PPP1R1C: variants seen among roughly 807,000 people sequenced by gnomAD.
PPP1R1C encodes the protein protein phosphatase 1 regulatory inhibitor subunit 1C, also known as protein phosphatase 1 regulatory subunit 1C.
A neutral mutation model predicts 17.4 loss-of-function variants in PPP1R1C; 15 were observed. The ratio of observed to expected loss-of-function variants is 0.86; its 90% CI spans 0.58 to 1.33. The LOEUF (loss-of-function observed/expected upper bound fraction) is 1.33, where lower values mean the gene tolerates loss of function less well. PPP1R1C is among the 40% of genes most tolerant of loss of function. PPP1R1C has a pLI of 0.00. For missense variants in PPP1R1C, 143 were observed against 130.0 expected (o/e 1.10, Z -0.48); for synonymous variants, 35 against 43.1 (o/e 0.81, Z 0.73).
chr2:182,079,814 A>G (rs76846035), intron 4 of PPP1R1C, among the ~76,000 whole-genome samples: 3,653 of 152,198 alleles, frequency 0.024, 150 homozygotes, highest in African/African-American at 0.083. Context: ...GGTGTTCTTC[A>G]GCAAGTCCTC....
rs556353510 is a variant in PPP1R1C at position 182,033,505 on chromosome 2, T to C, written c.143-27937T>C. Among the ~76,000 whole-genome samples, 10 of 152,320 alleles carry C rather than the reference T, an allele frequency of 6.6e-5. No individual in the cohort carries two copies. In the South Asian group the frequency reaches 1.9e-3, roughly 28 times the overall value. On this transcript the variant is annotated intron_variant, in intron 2 of 4. Coordinates refer to ENST00000682840, the MANE Select transcript of PPP1R1C (RefSeq NM_001080545.3). ...AACTTTCCAAACTTGCTCCTTGTTA[T>C]GTATTCTTTAAAAACCAACTAATAA...
At chr2:181,978,965 T>C (rs767863004) in intron 2 of PPP1R1C, among the ~76,000 whole-genome samples, 3 of 152,182 alleles carry the variant, frequency 2.0e-5, no homozygotes, top group Non-Finnish European at 2.9e-5. Context: ...TTCTAATCCC[T>C]GGCTATTCAA....
At chr2:181,969,476 T>C (rs1176159576) in intron 1 of PPP1R1C, among the ~76,000 whole-genome samples, 4 of 152,174 alleles carry the variant, frequency 2.6e-5, no homozygotes, top group Non-Finnish European at 4.4e-5. Context: ...CTGCCAGATA[T>C]ATTGGAACTT....
chr2:182,025,205 T>G (rs948689004), intron 2 of PPP1R1C, among the ~76,000 whole-genome samples: 10 of 148,252 alleles, frequency 6.7e-5, no homozygotes, highest in Non-Finnish European at 1.5e-5. Context: ...TATTATTTAT[T>G]TATTTATTTA....
chr2:182,092,858 T>C (rs1688822061), intron 4 of PPP1R1C, among the ~76,000 whole-genome samples: 1 of 152,190 alleles, frequency 6.6e-6, no homozygotes, highest in African/African-American at 2.4e-5. Context: ...ACAGCCTCCC[T>C]TCTGGCCGCT....
At chr2:181,963,393 C>A (rs1559038953) in intron 1 of PPP1R1C, among the ~76,000 whole-genome samples, 1 of 152,192 alleles carries the variant, frequency 6.6e-6, no homozygotes, top group Non-Finnish European at 1.5e-5. Context: ...GTAATCCCAG[C>A]ACTTTGGGGG....
At chr2:182,093,292 C>T (rs1463477043) in intron 4 of PPP1R1C, among the ~76,000 whole-genome samples, 1 of 152,154 alleles carries the variant, frequency 6.6e-6, no homozygotes, top group Non-Finnish European at 1.5e-5. Flanking sequence ...GGACCCAGGG[C>T]ACCAAGTCCC....
chr2:182,059,015 T>C (rs1441622370), intron 2 of PPP1R1C, among the ~76,000 whole-genome samples: 1 of 152,134 alleles, frequency 6.6e-6, no homozygotes, highest in Non-Finnish European at 1.5e-5. Flanking sequence ...TGTTTGTAGT[T>C]CACGTGTGTA....
chr2:182,097,200 C>G (rs1301165175), intron 4 of PPP1R1C, among the ~76,000 whole-genome samples: 1 of 152,168 alleles, frequency 6.6e-6, no homozygotes, highest in African/African-American at 2.4e-5. Context: ...AAATATTGCT[C>G]TTCTGGAGGA....
intron 2 of PPP1R1C, among the ~76,000 whole-genome samples, chr2:182,021,260 A>G (rs1686414383): frequency 6.7e-6 from 1 of 149,000 alleles, no homozygotes; most frequent in African/African-American, 2.5e-5. Context: ...TCTTTGGGGT[A>G]TAAGAAGCTA....
At chr2:182,022,633 G>T (rs1686461012) in intron 2 of PPP1R1C, among the ~76,000 whole-genome samples, 1 of 152,284 alleles carries the variant, frequency 6.6e-6, no homozygotes, top group East Asian at 1.9e-4. Flanking sequence ...TTTCTATACA[G>T]ATTTCCAAAT....
chr2:182,012,415 T>C (rs1686112042), intron 2 of PPP1R1C, among the ~76,000 whole-genome samples: 1 of 152,074 alleles, frequency 6.6e-6, no homozygotes, highest in South Asian at 2.1e-4. Flanking sequence ...CTGATATAAG[T>C]ACAGCATATA....
chr2:181,958,712 C>T (rs1684710668), intron 1 of PPP1R1C, among the ~76,000 whole-genome samples: 1 of 152,178 alleles, frequency 6.6e-6, no homozygotes, highest in South Asian at 2.1e-4. Flanking sequence ...TGCTTTGTAG[C>T]CTTATGTAAA....
At chr2:182,072,928 T>G (rs1444938948) in intron 4 of PPP1R1C, among the ~76,000 whole-genome samples, 3 of 152,236 alleles carry the variant, frequency 2.0e-5, no homozygotes, top group Non-Finnish European at 2.9e-5. Flanking sequence ...AAGTGTTCAC[T>G]AATTCCTTTA....
chr2:182,075,086 A>T (rs909520329), intron 4 of PPP1R1C, among the ~76,000 whole-genome samples: 13 of 152,222 alleles, frequency 8.5e-5, no homozygotes, highest in African/African-American at 3.1e-4. Context: ...TAAGCATTGA[A>T]TTTATGATCT....
rs576390049 is a variant in PPP1R1C, at chr2:181,962,162, C to T, written n.111+7528C>T. The T allele has an allele frequency of 6.7e-6, 5 of 741,228 alleles. No individual in the cohort carries two copies. Among genetic ancestry groups the T allele is most frequent in the Admixed American group, 1.7e-5 (1 of 57,196 alleles). 45.9% of individuals were successfully genotyped at this position (741,228 alleles called of 1,614,324 possible). On this transcript the variant is annotated intron_variant and non_coding_transcript_variant, in intron 1 of 5. Transcript: ENST00000464264. The surrounding 1 kb of genome is among the most constrained non-coding windows in gnomAD (Gnocchi z 6.0). ...CTCCCGGATTTTGCTCTCCAGCTTC[C>T]GGTTCTTGGTCTCCAGGCTCCTCAC... is the stretch of plus-strand genomic sequence containing the variant.
rs138969954 is a variant in PPP1R1C at position 181,961,336 on chromosome 2, C to T, written n.111+6702C>T. 4.6e-5 allele frequency: 33 copies of T among 721,810 alleles called. No homozygotes were observed. The highest frequency in any genetic ancestry group is 1.6e-4 in the South Asian group (11 of 69,440). 44.7% of individuals were successfully genotyped at this position (721,810 alleles called of 1,614,324 possible). A position where few individuals can be genotyped will look rare whatever the true frequency, so the allele number is the denominator to read the frequency against. On this transcript the variant is annotated intron_variant and non_coding_transcript_variant, in intron 1 of 5. Transcript: ENST00000464264. The surrounding 1 kb of genome is among the most constrained non-coding windows in gnomAD (Gnocchi z 5.8). ...ATTGAAGTCATCATCATCAAGCAGG[C>T]GGTGGTAGGTGGCGCTCTCAGCCTC... is the stretch of plus-strand genomic sequence containing the variant.
rs182904030 is a variant in PPP1R1C at position 181,977,935 on chromosome 2, T to C, written n.157+2671T>C. ...TGACAGGAATCAGCATGTGACATCT[T>C]GTATTAGTCTGTTTTCATGCTGCTA... On this transcript the variant is annotated intron_variant and non_coding_transcript_variant, in intron 2 of 5. Transcript: ENST00000464264. Among the ~76,000 whole-genome samples the C allele has an allele frequency of 2.8e-3, 433 of 152,268 alleles. 2 individuals carry two copies. Among genetic ancestry groups the C allele is most frequent in the African/African-American group, 9.7e-3 (403 of 41,566 alleles).
chr2:182,008,095 A>AAGC (rs397955087), intron 2 of PPP1R1C, among the ~76,000 whole-genome samples: 1 of 118,462 alleles, frequency 8.4e-6, no homozygotes, highest in Non-Finnish European at 2.0e-5. Flanking sequence ...AAATAAAAAA[A>AAGC]TAAAATAAAA....
Sources: gnomAD v4.1 joint callset for allele counts (sites outside exome capture counted in the v4.1 genomes callset) on GRCh38, gnomAD v4.1.1 for gene constraint, Gnocchi (gnomAD v3.1) non-coding constraint, MANE v1.5 for transcripts, NCBI Gene and HGNC (gene_info 2026-07-23, HGNC 2026-07-21) for gene names.